TACC2: variants seen among roughly 807,000 people sequenced by gnomAD.
The protein encoded by TACC2 is transforming acidic coiled-coil-containing protein 2.
Under a neutral mutation model 227.3 loss-of-function variants are expected in TACC2, and 137 were observed. The observed-to-expected ratio is 0.60, with a 90% CI of 0.52 to 0.69. TACC2 has a LOEUF of 0.69. TACC2 is among the 30% of genes least tolerant of loss of function. The probability of loss-of-function intolerance (pLI) is 0.00; values close to 1 mark genes in which losing one functional copy is unlikely to be tolerated. For missense variants in TACC2, 3,470 were observed against 3,694.4 expected, an observed-to-expected ratio of 0.94 and a Z score of 1.57; for synonymous variants, 1,523 against 1,487.5, an observed-to-expected ratio of 1.02 and a Z score of -0.55.
chr10:122,139,600 A>G (rs959005084), intron 6 of TACC2, among the ~76,000 whole-genome samples: 2 of 152,176 alleles, frequency 1.3e-5, no homozygotes, highest in African/African-American at 2.4e-5. Context: ...CAAACCCACA[A>G]TTTCACAGCA....
intron 3 of TACC2, among the ~76,000 whole-genome samples, chr10:122,082,012 C>T (rs1371721603): frequency 6.6e-6 from 1 of 152,178 alleles, no homozygotes; most frequent in Non-Finnish European, 1.5e-5. Flanking sequence ...TTATGATTTA[C>T]TCTTATTAAC....
chr10:122,238,101 C>A, intron 18 of TACC2, 64 bp downstream of exon 18: 1 of 1,338,272 alleles, frequency 7.5e-7, no homozygotes, highest in South Asian at 1.2e-5. Flanking sequence ...TAATAATGAC[C>A]GGAGCTGGTG....
At chr10:122,118,638 C>T (rs977508271) in intron 5 of TACC2, among the ~76,000 whole-genome samples, 2 of 152,136 alleles carry the variant, frequency 1.3e-5, no homozygotes, top group Admixed American at 6.5e-5. Flanking sequence ...GGTAATTTTG[C>T]TGCTTGTGTG....
At chr10:122,006,073 C>T (rs1309299404) in intron 1 of TACC2, among the ~76,000 whole-genome samples, 1 of 152,162 alleles carries the variant, frequency 6.6e-6, no homozygotes, top group Non-Finnish European at 1.5e-5. Context: ...CTTTGGTTCG[C>T]ACTTTCATTC....
chr10:122,042,646 T>C (rs182452369), intron 2 of TACC2, among the ~76,000 whole-genome samples: 4 of 152,368 alleles, frequency 2.6e-5, no homozygotes, highest in Admixed American at 2.6e-4. Flanking sequence ...ACAACCAGCA[T>C]GTACAATGTC....
chr10:122,106,172 G>C (rs2082776358), intron 5 of TACC2, among the ~76,000 whole-genome samples: 1 of 150,894 alleles, frequency 6.6e-6, no homozygotes, highest in African/African-American at 2.4e-5. Flanking sequence ...ATTTTTAGTA[G>C]AGACGGGGTT....
chr10:122,118,854 G>T (rs1428516343), intron 5 of TACC2, among the ~76,000 whole-genome samples: 1 of 152,216 alleles, frequency 6.6e-6, no homozygotes, highest in Non-Finnish European at 1.5e-5. Flanking sequence ...TGAATTAAGT[G>T]TTAGCTAGAC....
rs573681653 is a variant in TACC2 at position 122,050,522 on chromosome 10, G to A, written c.118G>A (p.Gly40Arg). 38 of 1,614,002 alleles carry A rather than the reference G, an allele frequency of 2.4e-5. No homozygotes were observed. The East Asian group carries it at 5.3e-4, about 23-fold the overall frequency. The change falls in exon 3 of 23, where the codon GGA becomes AGA. Residue 40 changes from glycine to arginine, a missense_variant. Physicochemically the swap from Gly to Arg is moderately radical, Grantham distance 125. Around this residue, in one of 10 missense-constraint regions of TACC2, gnomAD observed 405 missense variants for 389.6 expected, o/e 1.04. Coordinates refer to ENST00000369005, the MANE Select transcript of TACC2 (RefSeq NM_206862.4). This position sits in a 1 kb window ranked among gnomAD's most constrained non-coding sequence, Gnocchi z 4.6. ...NIKRKQQDTP[G>R]SPDHRDASSI... ...AAAAAGGAAGCAGCAGGACACGCCC[G>A]GAAGCCCTGACCACAGAGACGCGTC...
At chr10:122,198,934 C>T (rs1040970103) in intron 8 of TACC2, among the ~76,000 whole-genome samples, 1 of 152,324 alleles carries the variant, frequency 6.6e-6, no homozygotes, top group East Asian at 1.9e-4. Flanking sequence ...CAAAGGATTG[C>T]GAGTCAGTGG....
At chr10:122,125,569 A>G (rs906088026) in intron 5 of TACC2, among the ~76,000 whole-genome samples, 1 of 152,054 alleles carries the variant, frequency 6.6e-6, no homozygotes, top group Non-Finnish European at 1.5e-5. Flanking sequence ...TAGTTTCTTC[A>G]TGGCTAGACC....
chr10:122,012,418 CAAAA>C (rs752342348), intron 1 of TACC2, among the ~76,000 whole-genome samples: 7 of 60,720 alleles, frequency 1.2e-4, no homozygotes, highest in Middle Eastern at 0.012. Flanking sequence ...GACTCCGTCT[CAAAA>C]AAAAAAAAAA....
At chr10:122,104,842 C>T (rs576755767) in intron 5 of TACC2, among the ~76,000 whole-genome samples, 29 of 152,326 alleles carry the variant, frequency 1.9e-4, no homozygotes, top group South Asian at 8.3e-4. Context: ...TAACTATTCC[C>T]TCTTCTGGAA....
rs1325366827 is a variant in TACC2 at position 122,214,793 on chromosome 10, C to CA, written c.7284-590dup. Among the ~76,000 whole-genome samples the CA allele has an allele frequency of 4.6e-5, 7 of 151,738 alleles. 1 individual carries two copies. The highest frequency in any genetic ancestry group is 4.6e-4 in the Admixed American group (7 of 15,222). On this transcript the variant is annotated intron_variant, in intron 9 of 22. Coordinates refer to ENST00000369005, the MANE Select transcript of TACC2 (RefSeq NM_206862.4). ...TCTGTTTACCATGGTTAGGAGAAGACAAAAAAAATCATCTCTCCCCTGGCC... is the reference window on the plus strand; with the variant it reads ...TCTGTTTACCATGGTTAGGAGAAGACAAAAAAAAATCATCTCTCCCCTGGCC...
At chr10:122,088,416 C>A in intron 4 of TACC2, 62 bp from the exon 5 acceptor site, 1 of 1,412,446 alleles carries the variant, frequency 7.1e-7, no homozygotes, top group South Asian at 1.4e-5. Flanking sequence ...TTCAATAGGA[C>A]ATGAGGAGAA....
In TACC2 at chr10:122,249,635, G is replaced by A. The variant is rs777783896; in HGVS notation, c.8752G>A (p.Asp2918Asn). The A allele has an allele frequency of 6.2e-7, 1 of 1,613,842 alleles. No individual in the cohort carries two copies. Residue 2918 changes from aspartate (D) to asparagine (N), a missense_variant, in exon 22 of 23, where the codon GAC becomes AAC. Coordinates refer to ENST00000369005, the MANE Select transcript of TACC2 (RefSeq NM_206862.4). Reference sequence around the variant, plus strand: ...CCTGCGGAAGGAGCAGCTGCGAGTGGACGCCCTGGAAAGGACGCTGGAGCA... The same window carrying A: ...CCTGCGGAAGGAGCAGCTGCGAGTGAACGCCCTGGAAAGGACGCTGGAGCA... ...ASLRKEQLRV[D>N]ALERTLEQKN...
At chr10:121,994,469 T>C (rs891940355) in intron 1 of TACC2, among the ~76,000 whole-genome samples, 21 of 152,206 alleles carry the variant, frequency 1.4e-4, no homozygotes, top group African/African-American at 4.3e-4. Flanking sequence ...CTTATTACCC[T>C]CTCCCTCTGG....
chr10:122,122,226 G>A (rs1003594754), intron 5 of TACC2, among the ~76,000 whole-genome samples: 1 of 152,102 alleles, frequency 6.6e-6, no homozygotes, highest in African/African-American at 2.4e-5. Context: ...GTGGTGGTGG[G>A]CACCTATAGT....
intron 7 of TACC2, among the ~76,000 whole-genome samples, chr10:122,171,847 C>T (rs2093486671): frequency 6.6e-6 from 1 of 152,208 alleles, no homozygotes. Context: ...GGGCCCTTGG[C>T]CAGGCCCTTC....
intron 3 of TACC2, among the ~76,000 whole-genome samples, chr10:122,066,469 A>G (rs2077403331): frequency 1.3e-5 from 2 of 152,106 alleles, no homozygotes; most frequent in South Asian, 4.1e-4. Flanking sequence ...GGGTTTTACC[A>G]TGTTGGTCAG....
Sources: allele counts gnomAD v4.1 joint callset (sites outside exome capture counted in the v4.1 genomes callset), GRCh38; gene constraint gnomAD v4.1.1; regional missense constraint gnomAD v4.1.1; non-coding constraint Gnocchi (gnomAD v3.1); transcripts MANE v1.5; gene names NCBI Gene and HGNC (gene_info 2026-07-23, HGNC 2026-07-21).